VCL: variants seen among roughly 807,000 people sequenced by gnomAD.
VCL encodes epididymis luminal protein 114.
Under a neutral mutation model 125.7 loss-of-function variants are expected in VCL, and 47 were observed. The observed-to-expected ratio is 0.37, with a 90% CI of 0.30 to 0.48. The LOEUF is 0.48. VCL is among the 20% of genes least tolerant of loss of function. The probability of loss-of-function intolerance (pLI) is 0.99; values close to 1 mark genes in which losing one functional copy is unlikely to be tolerated. For missense variants in VCL, 1,069 were observed against 1,455.5 expected (o/e 0.73, Z 4.32); for synonymous variants, 458 against 514.6 (o/e 0.89, Z 1.49).
chr10:74,082,399 A>G (rs1839690659), intron 6 of VCL, 55 bp from the exon 7 acceptor site: 1 of 1,589,038 alleles, frequency 6.3e-7, no homozygotes, highest in Non-Finnish European at 8.6e-7. Flanking sequence ...CTTACGTTCT[A>G]TCATGGTATC....
intron 19 of VCL, 127 bp from the exon 20 acceptor site, chr10:74,114,057 C>T (rs1840272259): frequency 9.1e-7 from 1 of 1,094,716 alleles, no homozygotes; most frequent in East Asian, 2.5e-5. Flanking sequence ...GCCCTTTTCT[C>T]CTCTTCTCAC....
At chr10:74,070,141 T>A (rs1486035538) in intron 2 of VCL, among the ~76,000 whole-genome samples, 1 of 152,244 alleles carries the variant, frequency 6.6e-6, no homozygotes, top group Non-Finnish European at 1.5e-5. Context: ...ATTCCTTTGC[T>A]TTGTTTAGTT....
In VCL at chr10:74,089,240, T is replaced by C; in HGVS notation, c.1067T>C (p.Val356Ala). The C allele has an allele frequency of 6.2e-7, 1 of 1,614,116 alleles. No individual in the cohort carries two copies. Among genetic ancestry groups the C allele is most frequent in the African/African-American group, 1.3e-5 (1 of 75,040 alleles). Residue 356 changes from valine (V) to alanine (A), a missense_variant, in exon 9 of 22, where the codon GTA becomes GCA. Coordinates refer to ENST00000211998, the MANE Select transcript of VCL (RefSeq NM_014000.3). ...GTGGCCATGCAGAAAGCTCAGCAGGTATCTCAGGGTCTGGATGTGCTCACA... is the reference window on the plus strand; with the variant it reads ...GTGGCCATGCAGAAAGCTCAGCAGGCATCTCAGGGTCTGGATGTGCTCACA... ...SPVAMQKAQQ[V>A]SQGLDVLTAK...
At chr10:74,017,381 T>C (rs1840568437) in intron 1 of VCL, among the ~76,000 whole-genome samples, 1 of 152,198 alleles carries the variant, frequency 6.6e-6, no homozygotes, top group Non-Finnish European at 1.5e-5. Context: ...TATTCCATTG[T>C]ATGTGCATAC....
intron 14 of VCL, among the ~76,000 whole-genome samples, chr10:74,101,749 G>A (rs1012864178): frequency 7.1e-4 from 107 of 151,310 alleles, no homozygotes; most frequent in African/African-American, 2.5e-3. Flanking sequence ...AGTAGAGACG[G>A]GGTTTCACCT....
At chr10:74,057,653 C>G (rs1318451528) in intron 2 of VCL, among the ~76,000 whole-genome samples, 3 of 152,146 alleles carry the variant, frequency 2.0e-5, no homozygotes, top group African/African-American at 7.2e-5. Context: ...TTGTTCATGG[C>G]CAGGTGTGGT....
At position 74,082,514 on chromosome 10, in the gene VCL, G is replaced by T. The variant is rs766091503; in HGVS notation, c.844G>T (p.Gly282Cys). The part of the protein sequence containing the change: ...SIDSKLNQAK[G>C]WLRDPSASPG... Reference sequence around the variant, plus strand: ...AGACTCCAAACTGAACCAGGCCAAAGGTTGGCTCCGTGACCCTAGTGCCTC... The same window carrying T: ...AGACTCCAAACTGAACCAGGCCAAATGTTGGCTCCGTGACCCTAGTGCCTC... The change falls in exon 7 of 22, where the codon GGT becomes TGT. Residue 282 changes from glycine (G) to cysteine (C), a missense_variant. Transcript: ENST00000211998. 6 of 1,614,066 alleles carry T rather than the reference G, an allele frequency of 3.7e-6. No homozygotes were observed. The highest frequency in any genetic ancestry group is 2.7e-5 in the African/African-American group (2 of 74,936).
At position 74,097,115 on chromosome 10, in the gene VCL, G is replaced by A; in HGVS notation, c.1744-89G>A. On this transcript the variant is annotated intron_variant, in intron 12 of 21. Coordinates refer to ENST00000211998, the MANE Select transcript of VCL (RefSeq NM_014000.3). This position sits in a 1 kb window ranked among gnomAD's most constrained non-coding sequence, Gnocchi z 4.1. ...TATTTATTGAATGAAAGACTGAATA[G>A]ATGAATGAATGTCAGTGAAGTAAGG... 1.9e-6 allele frequency: 3 copies of A among 1,547,488 alleles called. No individual in the cohort carries two copies. The highest frequency in any genetic ancestry group is 2.6e-6 in the Non-Finnish European group (3 of 1,133,440).
Position 74,083,441 on chromosome 10 carries a change from A to G in VCL, c.950A>G (p.Glu317Gly). 2 of 1,614,164 alleles carry G rather than the reference A, an allele frequency of 1.2e-6. No homozygotes were observed. The highest frequency in any genetic ancestry group is 1.7e-6 in the Non-Finnish European group (2 of 1,180,004). Residue 317 changes from glutamate (E) to glycine (G), a missense_variant, in exon 8 of 22, where the codon GAA (glutamate) becomes GGA (glycine). Transcript: ENST00000211998. ...GTTGGTGAACTCTGTGCAGGCAAAG[A>G]ACGCAGGGAGATTCTGGGAACTTGC... ...GKVGELCAGK[E>G]RREILGTCKM...
chr10:74,091,969 C>T (rs1393252757), intron 10 of VCL, among the ~76,000 whole-genome samples: 2 of 151,848 alleles, frequency 1.3e-5, no homozygotes, highest in East Asian at 3.9e-4. Context: ...AGTGCAGTGG[C>T]GTGATCTTGG....
chr10:74,094,807 T>A (rs1333665763), intron 11 of VCL, among the ~76,000 whole-genome samples: 2 of 152,072 alleles, frequency 1.3e-5, no homozygotes, highest in Non-Finnish European at 2.9e-5. Context: ...TCACCTGTAG[T>A]CACACCTTTC....
chr10:74,013,958 C>T (rs938838110), intron 1 of VCL, among the ~76,000 whole-genome samples: 2 of 152,190 alleles, frequency 1.3e-5, no homozygotes, highest in South Asian at 2.1e-4. Context: ...GGCAAAATGC[C>T]AATGAAAGCT....
chr10:74,053,695 C>A (rs981976531), intron 2 of VCL, among the ~76,000 whole-genome samples: 13 of 152,118 alleles, frequency 8.5e-5, no homozygotes, highest in Admixed American at 7.2e-4. Flanking sequence ...ACTGCAACCT[C>A]TCCCTCCCGG....
chr10:74,038,234 T>TA (rs1267836384), intron 1 of VCL, among the ~76,000 whole-genome samples: 3 of 152,148 alleles, frequency 2.0e-5, no homozygotes, highest in Non-Finnish European at 4.4e-5. Flanking sequence ...TGATATCAGG[T>TA]GTTCCACCCG....
intron 6 of VCL, chr10:74,076,451 A>G (rs1157317251): frequency 3.9e-5 from 6 of 152,662 alleles, no homozygotes; most frequent in Non-Finnish European, 8.8e-5. Flanking sequence ...AGGATTCCCC[A>G]GGTAGCTGGG....
chr10:74,078,847 C>A (rs1327082403), intron 6 of VCL, among the ~76,000 whole-genome samples: 1 of 151,952 alleles, frequency 6.6e-6, no homozygotes, highest in Non-Finnish European at 1.5e-5. Flanking sequence ...CATTGACTTG[C>A]AGGTGGAAAT....
chr10:74,003,098 A>G (rs1038124053), intron 1 of VCL, among the ~76,000 whole-genome samples: 27 of 151,916 alleles, frequency 1.8e-4, no homozygotes, highest in Admixed American at 1.8e-3. Context: ...CTTGAGATAG[A>G]GTCTCACTGT....
At chr10:74,072,698 T>C (rs759392147) in intron 4 of VCL, 32 bp from the exon 5 acceptor site, 1 of 1,613,812 alleles carries the variant, frequency 6.2e-7, no homozygotes, top group Non-Finnish European at 8.5e-7. Context: ...GTTTCACTAC[T>C]CACCCTGCAC....
chr10:74,077,957 TC>T (rs1264608874), intron 6 of VCL, among the ~76,000 whole-genome samples: 1 of 152,200 alleles, frequency 6.6e-6, no homozygotes, highest in African/African-American at 2.4e-5. Context: ...TTTATAGTGA[TC>T]ATTAAAAATT....
Sources: allele counts gnomAD v4.1 joint callset (sites outside exome capture counted in the v4.1 genomes callset), GRCh38; gene constraint gnomAD v4.1.1; non-coding constraint Gnocchi (gnomAD v3.1); transcripts MANE v1.5; gene names NCBI Gene and HGNC (gene_info 2026-07-23, HGNC 2026-07-21).